RYR2: variants seen among roughly 807,000 people sequenced by gnomAD.
RYR2 encodes the protein ryanodine receptor 2.
RYR2 carries 227 observed loss-of-function variants against 601.1 expected under a neutral mutation model. That is an observed-to-expected ratio of 0.38 (90% CI 0.34 to 0.42). The LOEUF is 0.42. Ranked by LOEUF, RYR2 falls within the 10% of genes least tolerant of loss-of-function variation. The pLI is 1.00. For synonymous variants in RYR2, 2,223 were observed against 2,175.1 expected, an observed-to-expected ratio of 1.02 and a Z score of -0.61; for missense variants, 4,646 against 6,156.5, an observed-to-expected ratio of 0.75 and a Z score of 8.21.
intron 73 of RYR2, among the ~76,000 whole-genome samples, chr1:237,720,755 C>T (rs1689651319): frequency 2.0e-5 from 3 of 152,162 alleles, no homozygotes; most frequent in Admixed American, 2.0e-4. Context: ...ACAGAGAGTG[C>T]TCAGTACCTC....
In RYR2 at chr1:237,503,454, A is replaced by T. The variant is rs727503398; in HGVS notation, c.2562A>T (p.Thr854=). 6.2e-7 allele frequency: 1 copy of T among 1,613,966 alleles called. No homozygotes were observed. The highest frequency in any genetic ancestry group is 1.3e-5 in the African/African-American group (1 of 75,022). The change falls in exon 22 of 105, where the codon ACA becomes ACT. Residue 854 remains threonine (T), a synonymous_variant. Coordinates refer to ENST00000366574, the MANE Select transcript of RYR2 (RefSeq NM_001035.3). ...RTYTRDLLGP[T]VSLTQAAFTP... The stretch of plus-strand genomic sequence containing the variant: ...ACACACGCGACCTGCTGGGCCCCAC[A>T]GTTTCCCTGACGCAAGCTGCCTTCA...
intron 2 of RYR2, among the ~76,000 whole-genome samples, chr1:237,313,674 A>T (rs773857446): frequency 1.3e-5 from 2 of 152,218 alleles, no homozygotes; most frequent in Non-Finnish European, 2.9e-5. Context: ...GTTTTAAGCC[A>T]CTGTTCATGG....
intron 42 of RYR2, among the ~76,000 whole-genome samples, chr1:237,631,928 C>T (rs1426076276): frequency 6.6e-5 from 10 of 151,930 alleles, no homozygotes; most frequent in Admixed American, 5.9e-4. Context: ...CCACCGCGCC[C>T]AGCCCAGATT....
At chr1:237,795,926 GTGTGTACATATGTATGTGTGCATA>G (rs1233222362) in intron 96 of RYR2, among the ~76,000 whole-genome samples, 1 of 31,324 alleles carries the variant, frequency 3.2e-5, no homozygotes, top group Non-Finnish European at 1.0e-4. Context: ...GCACGCGTAT[GTGTGTACATATGTATGTGTGCATA>G]TGTGTACATA....
intron 8 of RYR2, among the ~76,000 whole-genome samples, chr1:237,383,643 A>T (rs1452941842): frequency 2.6e-5 from 4 of 151,666 alleles, no homozygotes; most frequent in South Asian, 2.1e-4. Context: ...GTTGGCCAGG[A>T]TGGTCTCGAT....
chr1:237,453,019 T>C (rs1658382239), intron 14 of RYR2, among the ~76,000 whole-genome samples: 2 of 152,096 alleles, frequency 1.3e-5, no homozygotes, highest in South Asian at 4.1e-4. Flanking sequence ...TTTGAAAATG[T>C]GGATACTGAA....
At chr1:237,064,625 T>C (rs180921810) in intron 1 of RYR2, among the ~76,000 whole-genome samples, 1 of 152,236 alleles carries the variant, frequency 6.6e-6, no homozygotes, top group Admixed American at 6.5e-5. Context: ...TCCAGGCACA[T>C]CATTGTCATC....
At chr1:237,304,511 G>T (rs923271167) in intron 2 of RYR2, among the ~76,000 whole-genome samples, 1 of 152,200 alleles carries the variant, frequency 6.6e-6, no homozygotes, top group East Asian at 1.9e-4. Flanking sequence ...GCATATATGA[G>T]CTGTCACTTG....
In RYR2 at chr1:237,646,814, G is replaced by A. The variant is rs376111203; in HGVS notation, c.7343-1630G>A. 5.2e-4 allele frequency among the ~76,000 whole-genome samples: 79 copies of A among 152,270 alleles called. 1 individual carries two copies. In the South Asian group the frequency reaches 0.015, roughly 28 times the overall value. On this transcript the variant is annotated intron_variant, in intron 48 of 104. Transcript: ENST00000366574. ...TACAGCAGGCACTGCTGGTAATTGCGGGTGGATGTATACAGCAGGCACTGC... is the reference window on the plus strand; with the variant it reads ...TACAGCAGGCACTGCTGGTAATTGCAGGTGGATGTATACAGCAGGCACTGC...
intron 16 of RYR2, among the ~76,000 whole-genome samples, chr1:237,458,324 G>A (rs1253602224): frequency 1.3e-5 from 2 of 152,282 alleles, no homozygotes; most frequent in South Asian, 2.1e-4. Context: ...AGCTACTCAG[G>A]AGGCTGAGGC....
intron 1 of RYR2, among the ~76,000 whole-genome samples, chr1:237,089,071 G>GT (rs749574877): frequency 2.6e-5 from 4 of 152,140 alleles, no homozygotes; most frequent in African/African-American, 7.2e-5. Flanking sequence ...GCACCCTCTG[G>GT]TTTTTTGCCC....
intron 84 of RYR2, among the ~76,000 whole-genome samples, chr1:237,769,538 T>C (rs536632337): frequency 2.0e-5 from 3 of 152,282 alleles, no homozygotes; most frequent in South Asian, 4.1e-4. Flanking sequence ...TTAATGTTTA[T>C]ATTAGTTTTC....
intron 2 of RYR2, among the ~76,000 whole-genome samples, chr1:237,292,650 A>G (rs768566839): frequency 1.3e-5 from 2 of 152,198 alleles, no homozygotes; most frequent in African/African-American, 2.4e-5. Context: ...TTAATCTGGG[A>G]AGTTTTTGAT....
chr1:237,301,518 G>T (rs1043176058), intron 2 of RYR2, among the ~76,000 whole-genome samples: 2 of 152,086 alleles, frequency 1.3e-5, no homozygotes, highest in Non-Finnish European at 2.9e-5. Flanking sequence ...AAACAGTCAC[G>T]TAACCCCTTT....
At chr1:237,452,252 G>T (rs1043686397) in intron 14 of RYR2, among the ~76,000 whole-genome samples, 5 of 142,820 alleles carry the variant, frequency 3.5e-5, no homozygotes, top group Non-Finnish European at 4.5e-5. Flanking sequence ...ATAATGTATA[G>T]TATAGTATAT....
intron 5 of RYR2, among the ~76,000 whole-genome samples, chr1:237,367,692 A>T (rs1358835634): frequency 7.2e-5 from 11 of 152,170 alleles, no homozygotes. Flanking sequence ...TGTACCTTCC[A>T]TGGTCTTTCC....
chr1:237,499,285 G>A (rs894180804), intron 20 of RYR2, among the ~76,000 whole-genome samples: 1 of 152,038 alleles, frequency 6.6e-6, no homozygotes, highest in South Asian at 2.1e-4. Flanking sequence ...CTCTGTCAAT[G>A]CAGAACTGGA....
chr1:237,387,479 T>A, intron 9 of RYR2, 99 bp downstream of exon 9: 2 of 1,051,208 alleles, frequency 1.9e-6, no homozygotes, highest in Non-Finnish European at 2.9e-6. Flanking sequence ...TAGAGCTTTT[T>A]GTCTGTGTCT....
At position 237,593,837 on chromosome 1, in the gene RYR2, A is replaced by G. The variant is rs186083899; in HGVS notation, c.4436+201A>G. Among the ~76,000 whole-genome samples, 163 of 152,342 alleles carry G rather than the reference A, an allele frequency of 1.1e-3. 2 individuals carry two copies. In the Middle Eastern group the frequency reaches 0.034, roughly 32 times the overall value. On this transcript the variant is annotated intron_variant, in intron 33 of 104. Transcript: ENST00000366574. ...AATGTGTTAAATGTGCAAACATTGT[A>G]CAGTAAGAGCAGTGCAGCCTTTTGG...
Sources: gnomAD v4.1 joint callset for allele counts (sites outside exome capture counted in the v4.1 genomes callset) on GRCh38, gnomAD v4.1.1 for gene constraint, MANE v1.5 for transcripts, NCBI Gene and HGNC (gene_info 2026-07-23, HGNC 2026-07-21) for gene names.